MAD1L1: variants seen among roughly 807,000 people sequenced by gnomAD.
MAD1L1 encodes the protein mitotic spindle assembly checkpoint protein MAD1.
MAD1L1 carries 95 observed loss-of-function variants against 96.9 expected under a neutral mutation model. That is an observed-to-expected ratio of 0.98 (90% CI 0.83 to 1.16). The LOEUF is 1.16. Ranked by LOEUF, MAD1L1 falls within the 50% of genes most tolerant of loss-of-function variation. MAD1L1 has a pLI of 0.00. For synonymous variants in MAD1L1, 473 were observed against 396.6 expected (o/e 1.19, Z -2.29); for missense variants, 1,007 against 954.4 (o/e 1.06, Z -0.73).
intron 18 of MAD1L1, among the ~76,000 whole-genome samples, chr7:1,826,629 G>A (rs1782409342): frequency 6.6e-6 from 1 of 152,240 alleles, no homozygotes; most frequent in African/African-American, 2.4e-5. Context: ...GCCCAAAAGA[G>A]GCCTCGCAGA....
intron 18 of MAD1L1, among the ~76,000 whole-genome samples, chr7:1,859,102 C>T (rs112171756): frequency 4.8e-5 from 4 of 82,924 alleles, no homozygotes; most frequent in Non-Finnish European, 6.7e-5. Flanking sequence ...CCTGCAGAGA[C>T]GGAGCAGACC....
chr7:1,896,090 G>C (rs911396598), intron 18 of MAD1L1, among the ~76,000 whole-genome samples: 1 of 152,228 alleles, frequency 6.6e-6, no homozygotes, highest in African/African-American at 2.4e-5. Context: ...GGCGAGCAGG[G>C]CTGGGGAGCT....
intron 18 of MAD1L1, chr7:1,838,440 A>G (rs1466995159): frequency 3.9e-6 from 1 of 253,662 alleles, no homozygotes; most frequent in African/African-American, 2.2e-5. Flanking sequence ...ATGTTCTATC[A>G]ACGGATGAAC....
intron 16 of MAD1L1, among the ~76,000 whole-genome samples, chr7:1,946,434 G>T (rs1301464528): frequency 6.6e-6 from 1 of 152,256 alleles, no homozygotes. Context: ...CTTCCAGGAA[G>T]AAAGGGGAAA....
intron 17 of MAD1L1, among the ~76,000 whole-genome samples, chr7:1,901,781 C>G (rs191095465): frequency 1.3e-5 from 2 of 152,340 alleles, no homozygotes; most frequent in East Asian, 3.9e-4. Context: ...AGCCCTGGCT[C>G]CTGCCTTCCC....
intron 5 of MAD1L1, among the ~76,000 whole-genome samples, 175 bp from the exon 6 acceptor site, chr7:2,219,631 G>C (rs1192922207): frequency 7.3e-6 from 1 of 136,636 alleles, no homozygotes; most frequent in Non-Finnish European, 1.7e-5. Flanking sequence ...AGAGGGGTAG[G>C]GGGGCAGAGC....
chr7:2,026,744 A>T (rs1358773003), intron 12 of MAD1L1, among the ~76,000 whole-genome samples: 2 of 152,238 alleles, frequency 1.3e-5, no homozygotes, highest in African/African-American at 4.8e-5. Flanking sequence ...CTTGAGCCCA[A>T]TGATAAGGAA....
At chr7:1,831,210 A>G (rs985315381) in intron 18 of MAD1L1, among the ~76,000 whole-genome samples, 2 of 152,162 alleles carry the variant, frequency 1.3e-5, no homozygotes, top group Admixed American at 1.3e-4. Context: ...GATTCACTTC[A>G]TGTCTGTGTC....
At chr7:2,195,477 T>C (rs547671696) in intron 10 of MAD1L1, among the ~76,000 whole-genome samples, 1 of 152,288 alleles carries the variant, frequency 6.6e-6, no homozygotes, top group African/African-American at 2.4e-5. Flanking sequence ...CAAAATGTCC[T>C]CCAAATAGAC....
At chr7:2,219,594 G>A in intron 5 of MAD1L1, 138 bp from the exon 6 acceptor site, 1 of 675,486 alleles carries the variant, frequency 1.5e-6, no homozygotes, top group Non-Finnish European at 2.2e-6. Context: ...AGGGGCAGAG[G>A]AATAAGGGGG....
At chr7:2,105,901 C>T (rs370964414) in intron 11 of MAD1L1, among the ~76,000 whole-genome samples, 11 of 152,200 alleles carry the variant, frequency 7.2e-5, no homozygotes, top group African/African-American at 1.4e-4. Flanking sequence ...CCTAGCAACA[C>T]CTTCTGGAGC....
intron 16 of MAD1L1, among the ~76,000 whole-genome samples, chr7:1,956,019 C>T (rs969401908): frequency 2.0e-5 from 3 of 151,942 alleles, no homozygotes; most frequent in Admixed American, 2.0e-4. Flanking sequence ...AGCGGGAGGC[C>T]GACAAGCAGG....
chr7:1,911,515 G>A lies in MAD1L1; in HGVS notation c.1808-13125C>T, dbSNP rs571897245. On this transcript the variant is annotated intron_variant, in intron 17 of 18. Transcript: ENST00000265854. ...TCCACAGTCCTCCCAGACACCCCAG[G>A]CACACTCAGAACGCATGGTGCTCAT... Among the ~76,000 whole-genome samples the A allele has an allele frequency of 3.7e-4, 56 of 152,302 alleles. No homozygotes were observed. In the South Asian group the frequency reaches 0.011, roughly 29 times the overall value.
chr7:2,085,360 G>A (rs1232066151), intron 11 of MAD1L1, among the ~76,000 whole-genome samples: 1 of 152,162 alleles, frequency 6.6e-6, no homozygotes, highest in African/African-American at 2.4e-5. Flanking sequence ...TCTCCCCGCC[G>A]CACAGCCACG....
intron 11 of MAD1L1, among the ~76,000 whole-genome samples, chr7:2,140,018 A>G (rs1283191227): frequency 2.6e-5 from 3 of 113,386 alleles, no homozygotes; most frequent in South Asian, 6.3e-4. Flanking sequence ...GCCCTGCTCC[A>G]CTGCAGCACA....
intron 10 of MAD1L1, among the ~76,000 whole-genome samples, chr7:2,212,620 C>G (rs997865460): frequency 6.6e-6 from 1 of 152,138 alleles, no homozygotes; most frequent in African/African-American, 2.4e-5. Context: ...TGCATTGCGG[C>G]GTGCCTGTTC....
chr7:2,196,771 G>A (rs1364416965), intron 10 of MAD1L1, among the ~76,000 whole-genome samples: 9 of 152,180 alleles, frequency 5.9e-5, no homozygotes, highest in Admixed American at 4.6e-4. Context: ...AGAAGGCCTC[G>A]GGCTCCCTGC....
chr7:2,082,027 C>T (rs929790416), intron 11 of MAD1L1, among the ~76,000 whole-genome samples: 6 of 152,178 alleles, frequency 3.9e-5, no homozygotes, highest in Admixed American at 3.9e-4. Context: ...ACTCTGAAGT[C>T]TGGCCACACT....
At chr7:1,913,722 TGA>T (rs1236260419) in intron 17 of MAD1L1, among the ~76,000 whole-genome samples, 4 of 151,992 alleles carry the variant, frequency 2.6e-5, no homozygotes, top group Admixed American at 2.0e-4. Context: ...AAGCTGAGGC[TGA>T]GAGGGAAGCA....
Sources: gnomAD v4.1 joint callset for allele counts (sites outside exome capture counted in the v4.1 genomes callset) on GRCh38, gnomAD v4.1.1 for gene constraint, MANE v1.5 for transcripts, NCBI Gene and HGNC (gene_info 2026-07-23, HGNC 2026-07-21) for gene names.